NAA60: variants seen among roughly 807,000 people sequenced by gnomAD.
NAA60 encodes N-alpha-acetyltransferase 60.
A neutral mutation model predicts 26.1 loss-of-function variants in NAA60; 8 were observed. The ratio of observed to expected loss-of-function variants is 0.31; its 90% confidence interval spans 0.18 to 0.55. The LOEUF is 0.55. Among genes scored for constraint, NAA60 ranks in the 20% least tolerant of loss-of-function variants. NAA60 has a pLI of 0.93. For missense variants in NAA60, 290 were observed against 311.3 expected (o/e 0.93, Z 0.51); for synonymous variants, 131 against 122.5 (o/e 1.07, Z -0.46).
intron 2 of NAA60, among the ~76,000 whole-genome samples, chr16:3,449,284 C>T (rs1170993439): frequency 6.6e-6 from 1 of 151,878 alleles, no homozygotes; most frequent in Admixed American, 6.6e-5. Flanking sequence ...TTTGGGAGGC[C>T]AAGGCAGGTG....
chr16:3,473,981 G>A (rs1280162320), intron 2 of NAA60, among the ~76,000 whole-genome samples: 1 of 152,076 alleles, frequency 6.6e-6, no homozygotes, highest in East Asian at 1.9e-4. Flanking sequence ...TGATCCACCA[G>A]CCTTGGCCTT....
chr16:3,465,465 G>A (rs2035692201), intron 2 of NAA60, among the ~76,000 whole-genome samples: 1 of 152,040 alleles, frequency 6.6e-6, no homozygotes, highest in Admixed American at 6.6e-5. Flanking sequence ...ACTGAGTGGG[G>A]CCACAAAAGG....
In NAA60 at chr16:3,486,168, A is replaced by C. The variant is rs566573575; in HGVS notation, c.*908A>C. On this transcript the variant is annotated 3_prime_UTR_variant, in exon 8 of 8. Coordinates refer to ENST00000407558, the MANE Select transcript of NAA60 (RefSeq NM_001083601.3). ...TCTTGTAGGGCCTGGCCTTGTGGGC[A>C]GGGGGCAGTCCTGTGCCTTGTGGGC... 1 of 169,948 alleles carries C rather than the reference A, an allele frequency of 5.9e-6. No individual in the cohort carries two copies. The highest frequency in any genetic ancestry group is 1.2e-4 in the South Asian group (1 of 8,020). 10.5% of individuals were successfully genotyped at this position (169,948 alleles called of 1,614,324 possible).
rs58329512 is a variant in NAA60, at chr16:3,450,042, AAAG to A, written c.-7+1512_-7+1514del. 116 of 107,644 alleles carry A rather than the reference AAAG, an allele frequency of 1.1e-3. 2 individuals are homozygous for A. The South Asian group carries it at 0.028, about 26-fold the overall frequency. The allele number at this position is 107,644 out of a possible 1,614,324, so 6.7% of individuals were successfully genotyped here. ...TAATACATCGTCTCAAAAAAAGAGA[AAAG>A]AAGAAGAAGGAACTAAAGAAGAATT... On this transcript the variant is annotated intron_variant, in intron 2 of 7. Coordinates refer to ENST00000407558, the MANE Select transcript of NAA60 (RefSeq NM_001083601.3).
chr16:3,466,799 T>G (rs558852702), intron 2 of NAA60, among the ~76,000 whole-genome samples: 10 of 152,020 alleles, frequency 6.6e-5, no homozygotes, highest in Admixed American at 2.0e-4. Context: ...GCCTGGAGTT[T>G]GGGGTGGGGA....
intron 2 of NAA60, chr16:3,457,040 C>T (rs2150955744): frequency 6.6e-6 from 1 of 152,366 alleles, no homozygotes; most frequent in South Asian, 2.1e-4. Context: ...GATCCACCCA[C>T]CTCGGCCTCC....
At chr16:3,451,740 A>G (rs1009025211) in intron 2 of NAA60, among the ~76,000 whole-genome samples, 1 of 151,852 alleles carries the variant, frequency 6.6e-6, no homozygotes, top group African/African-American at 2.4e-5. Context: ...CAACATGACA[A>G]AACCTCGTCT....
chr16:3,476,251 C>T lies in NAA60; in HGVS notation c.24C>T (p.Ser8=), dbSNP rs376737500. 34 of 1,613,440 alleles carry T rather than the reference C, an allele frequency of 2.1e-5. No individual in the cohort carries two copies. Among genetic ancestry groups the T allele is most frequent in the African/African-American group, 1.7e-4 (13 of 74,922 alleles). The change falls in exon 3 of 8, where the codon AGC becomes AGT. Residue 8 remains serine, a synonymous_variant. Transcript: ENST00000407558. ...GAATGACAGAGGTGGTGCCATCCAG[C>T]GCGCTCAGCGAGGTCAGCCTGCGCC... The part of the protein sequence containing the change: MTEVVPS[S]ALSEVSLRLL...
At chr16:3,450,012 C>A in intron 2 of NAA60, 1 of 392,294 alleles carries the variant, frequency 2.5e-6, no homozygotes, top group Non-Finnish European at 4.5e-6. Flanking sequence ...AGTGTGAAAA[C>A]AGACTAATAC....
chr16:3,482,760 T>A (rs1036914728), intron 5 of NAA60, 162 bp downstream of exon 5: 6 of 639,392 alleles, frequency 9.4e-6, no homozygotes, highest in Non-Finnish European at 1.7e-5. Flanking sequence ...GGGCCAGACC[T>A]TCATCATCCC....
chr16:3,478,693 G>A (rs961561759), intron 3 of NAA60, among the ~76,000 whole-genome samples: 19 of 152,150 alleles, frequency 1.2e-4, no homozygotes, highest in East Asian at 3.9e-4. Context: ...CCTTAAGGGC[G>A]GGTTCCTCCC....
chr16:3,461,856 A>C (rs1194403663), intron 2 of NAA60, among the ~76,000 whole-genome samples: 4 of 152,140 alleles, frequency 2.6e-5, no homozygotes, highest in Non-Finnish European at 5.9e-5. Context: ...TGGGAGGCCA[A>C]GTGGGCAGAT....
intron 2 of NAA60, among the ~76,000 whole-genome samples, chr16:3,454,413 C>T (rs568780724): frequency 3.4e-4 from 52 of 152,026 alleles, no homozygotes; most frequent in Non-Finnish European, 6.5e-4. Flanking sequence ...CTGGAAGAGG[C>T]CTTAGAGCCA....
chr16:3,448,906 C>G (rs988901240), intron 2 of NAA60: 1 of 190,638 alleles, frequency 5.2e-6, no homozygotes, highest in African/African-American at 2.4e-5. Context: ...TGCCCTGACC[C>G]TCTGAGATTG....
At chr16:3,466,269 C>T (rs913517694) in intron 2 of NAA60, among the ~76,000 whole-genome samples, 1 of 152,208 alleles carries the variant, frequency 6.6e-6, no homozygotes, top group Non-Finnish European at 1.5e-5. Flanking sequence ...CTGCGGGCTC[C>T]CCTCGGCACA....
intron 2 of NAA60, among the ~76,000 whole-genome samples, chr16:3,460,186 T>C (rs1332017671): frequency 1.3e-5 from 2 of 152,102 alleles, no homozygotes; most frequent in African/African-American, 4.8e-5. Flanking sequence ...AGCCCAGAGG[T>C]CCCATTTGCT....
chr16:3,471,803 G>C (rs1227407700), intron 2 of NAA60, among the ~76,000 whole-genome samples: 5 of 152,172 alleles, frequency 3.3e-5, no homozygotes, highest in East Asian at 3.9e-4. Flanking sequence ...TTCTGCCCAG[G>C]GTGGCCAGGT....
At chr16:3,470,147 G>A (rs1258377403) in intron 2 of NAA60, among the ~76,000 whole-genome samples, 1 of 152,224 alleles carries the variant, frequency 6.6e-6, no homozygotes, top group African/African-American at 2.4e-5. Flanking sequence ...ATACTCCAGG[G>A]GTGACTGACA....
intron 6 of NAA60, chr16:3,483,841 C>T (rs1203200051): frequency 5.8e-6 from 3 of 518,420 alleles, no homozygotes; most frequent in Non-Finnish European, 1.0e-5. Flanking sequence ...GATCCGCCTG[C>T]CGCAGCCTCC....
Sources: gnomAD v4.1 joint callset for allele counts (sites outside exome capture counted in the v4.1 genomes callset) on GRCh38, gnomAD v4.1.1 for gene constraint, MANE v1.5 for transcripts, NCBI Gene and HGNC (gene_info 2026-07-23, HGNC 2026-07-21) for gene names.